The following OCM variants were observed in gnomAD, a reference collection of about 807,000 sequenced individuals.
OCM encodes the protein oncomodulin-1.
In OCM, 18 loss-of-function variants were observed where a neutral mutation model predicts 14.1. That is an observed-to-expected ratio of 1.28 (90% confidence interval 0.88 to 1.89). The LOEUF (loss-of-function observed/expected upper bound fraction) is 1.89. Ranked by LOEUF, OCM falls within the 40% of genes most tolerant of loss-of-function variation. The pLI, the probability that OCM is intolerant of heterozygous loss-of-function variation, is 0.00. For missense variants in OCM, 140 were observed against 137.6 expected, an observed-to-expected ratio of 1.02 and a Z score of -0.09; for synonymous variants, 48 against 51.0, an observed-to-expected ratio of 0.94 and a Z score of 0.25.
At chr7:5,875,058 A>AT (rs67221316), upstream of OCM, among the ~76,000 whole-genome samples, 620 of 134,614 alleles carry the variant, frequency 4.6e-3, 15 homozygotes, top group East Asian at 0.058. Context: ...ATATATATGT[A>AT]TTTTTTTTTT....
intron 3 of OCM, among the ~76,000 whole-genome samples, chr7:5,884,945 C>T (rs1781302746): frequency 6.6e-6 from 1 of 151,808 alleles, no homozygotes; most frequent in South Asian, 2.1e-4. Flanking sequence ...CATGGTGAAC[C>T]CCATCTCTAT....
At chr7:5,868,291 C>T in the OCM span, among the ~76,000 whole-genome samples, 1 of 152,026 alleles carries the variant, frequency 6.6e-6, no homozygotes, top group Admixed American at 6.6e-5. Flanking sequence ...GAGTCACAGG[C>T]ATGCACCACC....
At chr7:5,863,482 C>G in the OCM span, among the ~76,000 whole-genome samples, 2 of 150,978 alleles carry the variant, frequency 1.3e-5, no homozygotes, top group African/African-American at 2.4e-5. Context: ...GGAATGGAAT[C>G]CAGTTTAGAT....
At chr7:5,878,895 AAAAAG>A (rs1397216475), upstream of OCM, among the ~76,000 whole-genome samples, 3,208 of 150,092 alleles carry the variant, frequency 0.021, 137 homozygotes, top group African/African-American at 0.075. Flanking sequence ...AAAAAAAAAA[AAAAAG>A]CCAGGCGCAG....
At chr7:5,872,563 C>G in the OCM span, among the ~76,000 whole-genome samples, 1 of 152,116 alleles carries the variant, frequency 6.6e-6, no homozygotes, top group Non-Finnish European at 1.5e-5. Context: ...ATTCAATGCA[C>G]AAATGTGTTC....
the OCM span, among the ~76,000 whole-genome samples, chr7:5,868,221 A>G: frequency 6.6e-6 from 1 of 152,196 alleles, no homozygotes; most frequent in Non-Finnish European, 1.5e-5. Context: ...ATCACAGCTC[A>G]CTACAACCTC....
chr7:5,862,816 C>T, the OCM span, among the ~76,000 whole-genome samples: 2 of 151,716 alleles, frequency 1.3e-5, no homozygotes, highest in Non-Finnish European at 2.9e-5. Flanking sequence ...ATGGACTCCT[C>T]TACTCTTTTC....
chr7:5,864,319 C>A, the OCM span, among the ~76,000 whole-genome samples: 2 of 145,374 alleles, frequency 1.4e-5, no homozygotes, highest in East Asian at 4.0e-4. Context: ...TGCACTCCAG[C>A]CTGGGTGACA....
At chr7:5,863,294 G>T in the OCM span, among the ~76,000 whole-genome samples, 1 of 152,078 alleles carries the variant, frequency 6.6e-6, no homozygotes, top group Non-Finnish European at 1.5e-5. Flanking sequence ...TGTGGCTGAT[G>T]TTCCTCCCGG....
chr7:5,867,763 G>C, the OCM span, among the ~76,000 whole-genome samples: 2 of 151,674 alleles, frequency 1.3e-5, no homozygotes, highest in African/African-American at 4.8e-5. Flanking sequence ...GTTCTGTTTT[G>C]GGGGGTTGTT....
the OCM span, among the ~76,000 whole-genome samples, chr7:5,872,324 A>G: frequency 3.3e-5 from 5 of 152,296 alleles, no homozygotes; most frequent in Admixed American, 2.0e-4. Flanking sequence ...CACGGTCTTC[A>G]TTTGTAAACA....
chr7:5,885,982 T>G, intron 3 of OCM, 82 bp from the exon 4 acceptor site: 1 of 1,594,784 alleles, frequency 6.3e-7, no homozygotes. Context: ...TCCTTCCCTC[T>G]TTGGAATTCT....
chr7:5,861,209 G>C, the OCM span, among the ~76,000 whole-genome samples: 1 of 152,036 alleles, frequency 6.6e-6, no homozygotes, highest in Admixed American at 6.6e-5. Context: ...ATCACCTGAG[G>C]TCAGGAGTTC....
chr7:5,875,659 G>T (rs1163063643), upstream of OCM, among the ~76,000 whole-genome samples: 2 of 151,818 alleles, frequency 1.3e-5, no homozygotes, highest in Non-Finnish European at 2.9e-5. Context: ...AACATAAAAA[G>T]TATCTTGGTT....
At chr7:5,883,592 C>T (rs1781270451) in intron 2 of OCM, among the ~76,000 whole-genome samples, 1 of 151,810 alleles carries the variant, frequency 6.6e-6, no homozygotes. Context: ...GAGGTTGAGG[C>T]AGGAGGATTG....
the OCM span, among the ~76,000 whole-genome samples, chr7:5,866,864 A>G: frequency 6.6e-6 from 1 of 152,178 alleles, no homozygotes; most frequent in Non-Finnish European, 1.5e-5. Context: ...ACCCGCTCCC[A>G]CAATTGTGTA....
At chr7:5,879,447 G>A (rs1416638112), upstream of OCM, among the ~76,000 whole-genome samples, 1 of 152,120 alleles carries the variant, frequency 6.6e-6, no homozygotes, top group African/African-American at 2.4e-5. Context: ...ATGGCTTTGA[G>A]TCTGTCAACT....
At chr7:5,876,446 C>G (rs1215466754), upstream of OCM, among the ~76,000 whole-genome samples, 1 of 152,208 alleles carries the variant, frequency 6.6e-6, no homozygotes, top group Non-Finnish European at 1.5e-5. Flanking sequence ...CCACCACACT[C>G]AATCTTCAGA....
Position 5,882,496 on chromosome 7 carries a change from C to A in OCM, c.65C>A (p.Pro22Gln). 2 of 1,614,074 alleles carry A rather than the reference C, an allele frequency of 1.2e-6. No individual in the cohort carries two copies. The highest frequency in any genetic ancestry group is 2.2e-5 in the South Asian group (2 of 91,082). ...IAAALQECRD[P>Q]DTFEPQKFFQ... ...TAACCAATTCTCTGTTCTTCAGACC[C>A]AGACACTTTTGAACCCCAAAAATTC... Residue 22 changes from proline to glutamine, a missense_variant, in exon 2 of 4, where the codon CCA becomes CAA. Pro to Gln is a moderately conservative substitution (Grantham distance 76). Transcript: ENST00000242104.
Sources: gnomAD v4.1 joint callset for allele counts (sites outside exome capture counted in the v4.1 genomes callset) on GRCh38, gnomAD v4.1.1 for gene constraint, MANE v1.5 for transcripts, NCBI Gene and HGNC (gene_info 2026-07-23, HGNC 2026-07-21) for gene names.